PTPRD: variants seen among roughly 807,000 people sequenced by gnomAD.
PTPRD encodes receptor-type tyrosine-protein phosphatase delta.
Under a neutral mutation model 214.5 loss-of-function variants are expected in PTPRD, and 34 were observed. The ratio of observed to expected loss-of-function variants is 0.16; its 90% CI spans 0.12 to 0.21. PTPRD has a LOEUF of 0.21. Among genes scored for constraint, PTPRD ranks in the 10% least tolerant of loss-of-function variants. PTPRD has a pLI of 1.00. For synonymous variants in PTPRD, 1,128 were observed against 845.7 expected (o/e 1.33, Z -5.79); for missense variants, 2,545 against 2,398.7 (o/e 1.06, Z -1.27).
chr9:9,370,043 G>C (rs970883309), intron 9 of PTPRD, among the ~76,000 whole-genome samples: 14 of 152,110 alleles, frequency 9.2e-5, no homozygotes, highest in African/African-American at 1.9e-4. Flanking sequence ...GTCAGGTAGC[G>C]TGATGCCTCC....
At chr9:8,812,266 A>C (rs2096824484) in intron 11 of PTPRD, among the ~76,000 whole-genome samples, 1 of 152,220 alleles carries the variant, frequency 6.6e-6, no homozygotes, top group South Asian at 2.1e-4. Context: ...AGATGTACAT[A>C]TATATTTATA....
chr9:9,280,422 T>C (rs1947265968), intron 9 of PTPRD, among the ~76,000 whole-genome samples: 1 of 151,328 alleles, frequency 6.6e-6, no homozygotes, highest in Admixed American at 6.6e-5. Flanking sequence ...CAGTAAGTGA[T>C]TATTGAAAGG....
intron 9 of PTPRD, among the ~76,000 whole-genome samples, chr9:9,371,541 T>C (rs1438283988): frequency 1.3e-5 from 2 of 152,222 alleles, no homozygotes; most frequent in African/African-American, 4.8e-5. Context: ...CTATCAGTTT[T>C]GTTGATCTTT....
At chr9:9,923,768 T>C (rs1281462460) in intron 5 of PTPRD, among the ~76,000 whole-genome samples, 1 of 151,910 alleles carries the variant, frequency 6.6e-6, no homozygotes, top group Non-Finnish European at 1.5e-5. Flanking sequence ...CTAAAATGTA[T>C]ACTTCTCATG....
At chr9:8,750,694 G>T (rs571498263) in intron 11 of PTPRD, among the ~76,000 whole-genome samples, 1 of 152,156 alleles carries the variant, frequency 6.6e-6, no homozygotes, top group Admixed American at 6.5e-5. Flanking sequence ...TGGGATGCAG[G>T]AATGAGCTTG....
chr9:10,394,127 T>C (rs1435682022), intron 2 of PTPRD, among the ~76,000 whole-genome samples: 1 of 145,920 alleles, frequency 6.9e-6, no homozygotes, highest in Non-Finnish European at 1.5e-5. Context: ...TATATACATA[T>C]ATATCTTTAT....
chr9:8,928,556 G>GTCTA (rs1162864850), intron 11 of PTPRD, among the ~76,000 whole-genome samples: 2 of 150,708 alleles, frequency 1.3e-5, no homozygotes, highest in South Asian at 4.2e-4. Context: ...TGGTCCGTTG[G>GTCTA]TCTATATCTC....
At chr9:8,521,201 G>C (rs2138834664) in intron 20 of PTPRD, 76 bp downstream of exon 20, 2 of 1,479,376 alleles carry the variant, frequency 1.4e-6, no homozygotes, top group East Asian at 4.6e-5. Flanking sequence ...AGATTTTCAA[G>C]GATGGGCTTT....
chr9:10,061,125 C>A, intron 3 of PTPRD, among the ~76,000 whole-genome samples: 1 of 151,718 alleles, frequency 6.6e-6, no homozygotes, highest in African/African-American at 2.4e-5. Context: ...ATGATATATT[C>A]CTTTTGATTT....
intron 2 of PTPRD, among the ~76,000 whole-genome samples, chr9:10,562,553 GAATA>G (rs1457292326): frequency 2.6e-5 from 4 of 151,974 alleles, no homozygotes; most frequent in Non-Finnish European, 5.9e-5. Context: ...TTGAAATCCT[GAATA>G]ATTATTTTAT....
At chr9:9,357,578 T>TA (rs2054291478) in intron 9 of PTPRD, among the ~76,000 whole-genome samples, 1 of 151,148 alleles carries the variant, frequency 6.6e-6, no homozygotes, top group Non-Finnish European at 1.5e-5. Context: ...AAAGACCATA[T>TA]AAGAATCAGA....
chr9:8,532,327 T>C (rs1340493666), intron 14 of PTPRD, among the ~76,000 whole-genome samples: 2 of 152,052 alleles, frequency 1.3e-5, no homozygotes, highest in African/African-American at 4.8e-5. Context: ...GTGGGTGTAG[T>C]TTAGAAGACG....
At chr9:8,554,395 A>C (rs1331138266) in intron 14 of PTPRD, among the ~76,000 whole-genome samples, 4 of 152,206 alleles carry the variant, frequency 2.6e-5, no homozygotes. Flanking sequence ...TAAATATGGG[A>C]AAGTAAAAAG....
chr9:10,488,307 C>T (rs2099146386), intron 2 of PTPRD, among the ~76,000 whole-genome samples: 1 of 147,288 alleles, frequency 6.8e-6, no homozygotes, highest in African/African-American at 2.5e-5. Flanking sequence ...GCGGAGCTTG[C>T]AGTGAGCCGA....
chr9:10,294,877 GA>G (rs1234750052), intron 3 of PTPRD, among the ~76,000 whole-genome samples: 2 of 151,908 alleles, frequency 1.3e-5, no homozygotes, highest in Non-Finnish European at 2.9e-5. Context: ...AGCAATAATG[GA>G]AAATAGGTTT....
At position 9,278,633 on chromosome 9, in the gene PTPRD, C is replaced by A. The variant is rs565440279; in HGVS notation, c.-202-95270G>T. On this transcript the variant is annotated intron_variant, in intron 9 of 45. Coordinates refer to ENST00000381196, the MANE Select transcript of PTPRD (RefSeq NM_002839.4). ...TGATACTTGTACAGACAGAGGGCAA[C>A]ATTACAGTATGTGGTTGGCCTGCCT... Among the ~76,000 whole-genome samples, 4 of 151,398 alleles carry A rather than the reference C, an allele frequency of 2.6e-5. No individual in the cohort carries two copies. In the South Asian group the frequency reaches 8.3e-4, roughly 31 times the overall value.
chr9:9,221,487 G>T (rs1409508747), intron 9 of PTPRD, among the ~76,000 whole-genome samples: 5 of 152,060 alleles, frequency 3.3e-5, no homozygotes, highest in African/African-American at 4.8e-5. Flanking sequence ...ATGTCTGGAG[G>T]CTGGGAAGCC....
intron 11 of PTPRD, among the ~76,000 whole-genome samples, chr9:8,832,668 G>A (rs2097322117): frequency 6.6e-6 from 1 of 151,918 alleles, no homozygotes; most frequent in South Asian, 2.1e-4. Flanking sequence ...TCACACTGCA[G>A]GATCACAAGA....
At chr9:8,585,305 T>C (rs959213556) in intron 14 of PTPRD, among the ~76,000 whole-genome samples, 2 of 152,164 alleles carry the variant, frequency 1.3e-5, no homozygotes, top group Non-Finnish European at 2.9e-5. Flanking sequence ...TATTTAACTT[T>C]ATAAAAAGAA....
Sources: gnomAD v4.1 joint callset for allele counts (sites outside exome capture counted in the v4.1 genomes callset) on GRCh38, gnomAD v4.1.1 for gene constraint, MANE v1.5 for transcripts, NCBI Gene and HGNC (gene_info 2026-07-23, HGNC 2026-07-21) for gene names.